TYW1: variants seen among roughly 807,000 people sequenced by gnomAD.
TYW1 encodes tRNA-yW synthesizing protein 1 homolog, also known as S-adenosyl-L-methionine-dependent tRNA 4-demethylwyosine synthase TYW1.
A neutral mutation model predicts 96.2 loss-of-function variants in TYW1; 46 were observed. That is an observed-to-expected ratio of 0.48 (90% CI 0.38 to 0.61). The LOEUF is 0.61. TYW1 is among the 20% of genes least tolerant of loss of function. The probability of loss-of-function intolerance (pLI) is 0.00; values close to 1 mark genes in which losing one functional copy is unlikely to be tolerated. For missense variants in TYW1, 684 were observed against 909.6 expected (o/e 0.75, Z 3.19); for synonymous variants, 274 against 323.0 (o/e 0.85, Z 1.63).
At chr7:66,997,505 C>T (rs1243811300) in intron 1 of TYW1, among the ~76,000 whole-genome samples, 2 of 152,224 alleles carry the variant, frequency 1.3e-5, no homozygotes, top group Non-Finnish European at 2.9e-5. Context: ...CCTTCTCTTG[C>T]TTCTAAATGC....
At chr7:67,008,781 G>A (rs1316891460) in intron 3 of TYW1, among the ~76,000 whole-genome samples, 1 of 152,146 alleles carries the variant, frequency 6.6e-6, no homozygotes, top group East Asian at 1.9e-4. Context: ...TCCTGCCTCA[G>A]CCTCCCGGGT....
chr7:67,039,333 C>G (rs1486362663), intron 7 of TYW1, among the ~76,000 whole-genome samples: 1 of 151,860 alleles, frequency 6.6e-6, no homozygotes, highest in African/African-American at 2.4e-5. Context: ...TGGCAGGCAC[C>G]TGTAGTCCCA....
chr7:67,045,617 A>T (rs1795165195), intron 7 of TYW1, among the ~76,000 whole-genome samples: 1 of 152,268 alleles, frequency 6.6e-6, no homozygotes, highest in Non-Finnish European at 1.5e-5. Context: ...GTCAGTTTAT[A>T]AAGAACGTTT....
chr7:67,010,328 T>C (rs1182264589), intron 4 of TYW1, among the ~76,000 whole-genome samples: 1 of 151,874 alleles, frequency 6.6e-6, no homozygotes, highest in African/African-American at 2.4e-5. Context: ...AAATTTATTT[T>C]ATAGAGACAG....
At chr7:67,061,824 A>G (rs1385150414) in intron 9 of TYW1, among the ~76,000 whole-genome samples, 1 of 152,246 alleles carries the variant, frequency 6.6e-6, no homozygotes, top group Non-Finnish European at 1.5e-5. Flanking sequence ...AAATTGTTGT[A>G]TACTATAGAT....
At chr7:67,153,588 T>C (rs1208462931) in intron 13 of TYW1, among the ~76,000 whole-genome samples, 1 of 152,262 alleles carries the variant, frequency 6.6e-6, no homozygotes, top group African/African-American at 2.4e-5. Flanking sequence ...ATAATTACTT[T>C]ATCAAATTTG....
At chr7:67,218,722 G>A (rs1248014202) in intron 15 of TYW1, among the ~76,000 whole-genome samples, 3 of 152,114 alleles carry the variant, frequency 2.0e-5, no homozygotes, top group African/African-American at 7.2e-5. Flanking sequence ...TTAGTATGTG[G>A]AAATGCAGCT....
intron 13 of TYW1, among the ~76,000 whole-genome samples, chr7:67,168,868 T>C (rs1008893850): frequency 3.3e-5 from 5 of 152,004 alleles, no homozygotes; most frequent in South Asian, 2.1e-4. Flanking sequence ...TGCAACACCA[T>C]GCCTGGCTAA....
In TYW1 at chr7:67,233,295, G is replaced by T. The variant is rs530753822; in HGVS notation, c.1978-5013G>T. Reference sequence around the variant, plus strand: ...TGTGTTTAATCTACCATCTTTAATAGAATCTTTTTAAACATTTACACTAAC... The same window carrying T: ...TGTGTTTAATCTACCATCTTTAATATAATCTTTTTAAACATTTACACTAAC... On this transcript the variant is annotated intron_variant, in intron 15 of 15. Transcript: ENST00000359626. Among the ~76,000 whole-genome samples the T allele has an allele frequency of 2.2e-5, 3 of 136,008 alleles. No individual in the cohort carries two copies. In the East Asian group the frequency reaches 5.9e-4, roughly 27 times the overall value. 89.2% of individuals were successfully genotyped at this position (136,008 alleles called of 152,430 possible).
At chr7:67,113,886 G>T (rs574122547) in intron 12 of TYW1, among the ~76,000 whole-genome samples, 111 of 152,196 alleles carry the variant, frequency 7.3e-4, no homozygotes, top group Middle Eastern at 6.8e-3. Context: ...TGATCCTCCT[G>T]TCTCAGCCTC....
intron 13 of TYW1, among the ~76,000 whole-genome samples, chr7:67,118,528 T>G (rs1021399321): frequency 6.6e-6 from 1 of 151,908 alleles, no homozygotes; most frequent in Non-Finnish European, 1.5e-5. Context: ...ATATTTTTCA[T>G]CCATGGTTGG....
At chr7:67,122,741 G>C (rs1797796876) in intron 13 of TYW1, among the ~76,000 whole-genome samples, 1 of 152,102 alleles carries the variant, frequency 6.6e-6, no homozygotes, top group Non-Finnish European at 1.5e-5. Context: ...TTTCCTGCTT[G>C]TTGGCCAGTA....
At chr7:67,064,881 C>T (rs988093051) in intron 9 of TYW1, among the ~76,000 whole-genome samples, 1 of 152,202 alleles carries the variant, frequency 6.6e-6, no homozygotes, top group African/African-American at 2.4e-5. Context: ...AAATACTGCT[C>T]CCCGCAACAA....
intron 7 of TYW1, among the ~76,000 whole-genome samples, chr7:67,039,094 T>C (rs1794933636): frequency 1.3e-5 from 2 of 152,188 alleles, no homozygotes; most frequent in South Asian, 2.1e-4. Flanking sequence ...TGTACTTCCA[T>C]GTGGCCATGT....
intron 2 of TYW1, among the ~76,000 whole-genome samples, chr7:66,998,441 A>G (rs1428256553): frequency 6.6e-6 from 1 of 152,162 alleles, no homozygotes; most frequent in Non-Finnish European, 1.5e-5. Context: ...TGAAAAGTGA[A>G]CCTTTTATAT....
chr7:67,228,908 G>A lies in TYW1; in HGVS notation c.1978-9400G>A, dbSNP rs1801650924. Reference sequence around the variant, plus strand: ...GATGAGTCTCTGGAGAAGTTACAAGGGAAACCGATGGGAAGTCAGTTCTTC... The same window carrying A: ...GATGAGTCTCTGGAGAAGTTACAAGAGAAACCGATGGGAAGTCAGTTCTTC... On this transcript the variant is annotated intron_variant, in intron 15 of 15. Transcript: ENST00000359626. Among the ~76,000 whole-genome samples the A allele has an allele frequency of 3.3e-5, 5 of 152,322 alleles. No individual in the cohort carries two copies. In the South Asian group the frequency reaches 6.2e-4, roughly 19 times the overall value.
chr7:67,073,753 A>T (rs1434801691), intron 10 of TYW1, among the ~76,000 whole-genome samples: 3 of 99,052 alleles, frequency 3.0e-5, no homozygotes, highest in African/African-American at 1.2e-4. Flanking sequence ...CCTGGGTGAC[A>T]GTGCGAGACT....
chr7:67,041,275 T>C (rs1388456218), intron 7 of TYW1, among the ~76,000 whole-genome samples: 1 of 152,162 alleles, frequency 6.6e-6, no homozygotes, highest in Non-Finnish European at 1.5e-5. Flanking sequence ...GCTTGGCTTT[T>C]CTTTTTCTTT....
rs2686984 is a variant in TYW1, at chr7:67,096,994, T to C, written c.1385-1547T>C. Among the ~76,000 whole-genome samples the C allele has an allele frequency of 1.7e-3, 260 of 152,086 alleles. 1 individual carries two copies. Among genetic ancestry groups the C allele is most frequent in the African/African-American group, 5.9e-3 (244 of 41,446 alleles). ...ATGCATGAGGCCCCTCCCCAGAGAC[T>C]GTGATTTAATATGTTTGGGATATGG... On this transcript the variant is annotated intron_variant, in intron 11 of 15. Transcript: ENST00000359626.
Sources: gnomAD v4.1 joint callset for allele counts (sites outside exome capture counted in the v4.1 genomes callset) on GRCh38, gnomAD v4.1.1 for gene constraint, MANE v1.5 for transcripts, NCBI Gene and HGNC (gene_info 2026-07-23, HGNC 2026-07-21) for gene names.